The following ATE1 variants were observed in gnomAD, a reference collection of about 807,000 sequenced individuals.
ATE1 encodes the protein arginyl-tRNA--protein transferase 1.
A neutral mutation model predicts 70.5 loss-of-function variants in ATE1; 36 were observed. The observed-to-expected ratio is 0.51, with a 90% CI of 0.39 to 0.67. The LOEUF is 0.67. ATE1 is among the 30% of genes least tolerant of loss of function. The pLI, the probability that ATE1 is intolerant of heterozygous loss-of-function variation, is 0.00. For synonymous variants in ATE1, 232 were observed against 219.3 expected (o/e 1.06, Z -0.51); for missense variants, 593 against 629.5 (o/e 0.94, Z 0.62).
chr10:121,800,101 G>GT (rs1197028588), intron 10 of ATE1, among the ~76,000 whole-genome samples: 1 of 152,156 alleles, frequency 6.6e-6, no homozygotes, highest in East Asian at 1.9e-4. Flanking sequence ...GAAGACGGAT[G>GT]TGAAGCCCTA....
intron 3 of ATE1, 55 bp from the exon 4 acceptor site, chr10:121,913,948 A>G: frequency 1.4e-6 from 2 of 1,392,284 alleles, no homozygotes; most frequent in South Asian, 2.5e-5. Flanking sequence ...AAGAAATGAA[A>G]TCAGTTCTGG....
At chr10:121,746,573 T>C (rs1944380331) in intron 11 of ATE1, among the ~76,000 whole-genome samples, 1 of 152,222 alleles carries the variant, frequency 6.6e-6, no homozygotes, top group African/African-American at 2.4e-5. Context: ...AGGAGATTTC[T>C]TAGTCTTCCA....
chr10:121,923,326 G>A (rs1288065692), intron 2 of ATE1, among the ~76,000 whole-genome samples: 2 of 152,186 alleles, frequency 1.3e-5, no homozygotes. Flanking sequence ...TTAGCCAGGT[G>A]TTGTGATGCA....
chr10:121,794,886 G>A (rs145334905), intron 10 of ATE1, among the ~76,000 whole-genome samples: 12 of 152,084 alleles, frequency 7.9e-5, no homozygotes, highest in African/African-American at 1.9e-4. Context: ...TAAACCTTGC[G>A]GATACGCAGA....
chr10:121,751,701 T>G (rs2135711956), intron 11 of ATE1, among the ~76,000 whole-genome samples: 1 of 152,352 alleles, frequency 6.6e-6, no homozygotes, highest in East Asian at 1.9e-4. Context: ...TTCTGGTTAC[T>G]AGATCCTTAT....
intron 7 of ATE1, among the ~76,000 whole-genome samples, chr10:121,882,995 G>A (rs930981907): frequency 1.3e-5 from 2 of 152,008 alleles, no homozygotes; most frequent in Non-Finnish European, 2.9e-5. Flanking sequence ...AAAAACAATA[G>A]AAGTGAAAAT....
chr10:121,908,599 G>A (rs1177803189), intron 5 of ATE1, among the ~76,000 whole-genome samples: 1 of 152,174 alleles, frequency 6.6e-6, no homozygotes, highest in Non-Finnish European at 1.5e-5. Flanking sequence ...AGCCAGCCAG[G>A]AAACGAAGAA....
intron 7 of ATE1, among the ~76,000 whole-genome samples, chr10:121,890,341 G>A (rs1950538531): frequency 6.6e-6 from 1 of 152,114 alleles, no homozygotes; most frequent in East Asian, 1.9e-4. Context: ...ACCACGTCTT[G>A]TAGAAGCACA....
chr10:121,900,468 A>G (rs994543887), intron 6 of ATE1, among the ~76,000 whole-genome samples: 2 of 152,250 alleles, frequency 1.3e-5, no homozygotes, highest in Non-Finnish European at 2.9e-5. Context: ...CCTACTTCAT[A>G]GCATAGTTAA....
chr10:121,784,659 A>G (rs939934191), intron 11 of ATE1, among the ~76,000 whole-genome samples: 10 of 152,140 alleles, frequency 6.6e-5, no homozygotes, highest in African/African-American at 2.4e-4. Flanking sequence ...GGAGTTCGAG[A>G]ACCAGCCTGG....
intron 10 of ATE1, among the ~76,000 whole-genome samples, chr10:121,832,425 T>C (rs947199562): frequency 6.6e-6 from 1 of 152,214 alleles, no homozygotes; most frequent in Non-Finnish European, 1.5e-5. Context: ...GCGTCTGATA[T>C]GGTTAGGCTC....
At chr10:121,756,247 A>G (rs1054571450) in intron 11 of ATE1, among the ~76,000 whole-genome samples, 4 of 152,232 alleles carry the variant, frequency 2.6e-5, no homozygotes, top group Non-Finnish European at 4.4e-5. Flanking sequence ...CTCTGATACA[A>G]GAGGTGGGTT....
At chr10:121,831,091 C>A (rs913233257) in intron 10 of ATE1, among the ~76,000 whole-genome samples, 1 of 152,106 alleles carries the variant, frequency 6.6e-6, no homozygotes, top group Non-Finnish European at 1.5e-5. Context: ...ACTCCTTACT[C>A]ATTATAATGG....
chr10:121,855,324 G>T (rs1590512772), intron 8 of ATE1, among the ~76,000 whole-genome samples: 2 of 152,320 alleles, frequency 1.3e-5, no homozygotes, highest in East Asian at 1.9e-4. Flanking sequence ...ACAGTAATAG[G>T]TAGATTTCAT....
chr10:121,928,293 A>C (rs560258911), upstream of ATE1: 2,014 of 1,495,444 alleles, frequency 1.3e-3, 3 homozygotes, highest in Non-Finnish European at 1.6e-3. Context: ...TCCCCCGCCG[A>C]GGGCCTGTGC....
intron 11 of ATE1, among the ~76,000 whole-genome samples, chr10:121,758,638 T>G (rs1020691831): frequency 1.3e-5 from 2 of 151,538 alleles, no homozygotes; most frequent in Admixed American, 1.3e-4. Context: ...TATTGAGGGT[T>G]TGTTTGTTTG....
intron 5 of ATE1, among the ~76,000 whole-genome samples, chr10:121,905,616 C>T (rs918922564): frequency 2.0e-5 from 3 of 151,968 alleles, no homozygotes; most frequent in Non-Finnish European, 2.9e-5. Flanking sequence ...CCGAGACGGG[C>T]GGATCACCTG....
At chr10:121,829,588 A>C (rs1349326776) in intron 10 of ATE1, among the ~76,000 whole-genome samples, 1 of 151,896 alleles carries the variant, frequency 6.6e-6, no homozygotes, top group Non-Finnish European at 1.5e-5. Flanking sequence ...ACGCACCTGT[A>C]ATCCCAGCTA....
At chr10:121,893,106 T>A (rs775426972) in intron 7 of ATE1, among the ~76,000 whole-genome samples, 1 of 151,710 alleles carries the variant, frequency 6.6e-6, no homozygotes, top group Non-Finnish European at 1.5e-5. Context: ...TGAAACCCCA[T>A]CTCTACTAAA....
Sources: gnomAD v4.1 joint callset for allele counts (sites outside exome capture counted in the v4.1 genomes callset) on GRCh38, gnomAD v4.1.1 for gene constraint, MANE v1.5 for transcripts, NCBI Gene and HGNC (gene_info 2026-07-23, HGNC 2026-07-21) for gene names.